SPCS2: variants seen among roughly 807,000 people sequenced by gnomAD.
SPCS2 encodes signal peptidase complex subunit 2.
A neutral mutation model predicts 22.3 loss-of-function variants in SPCS2; 3 were observed. That is an observed-to-expected ratio of 0.13 (90% CI 0.06 to 0.35). SPCS2 has a LOEUF of 0.35. Among genes scored for constraint, SPCS2 ranks in the 10% least tolerant of loss-of-function variants. The pLI, the probability that SPCS2 is intolerant of heterozygous loss-of-function variation, is 1.00. For missense variants in SPCS2, 169 were observed against 280.9 expected (o/e 0.60, Z 2.85); for synonymous variants, 67 against 97.2 (o/e 0.69, Z 1.83).
intron 4 of SPCS2, among the ~76,000 whole-genome samples, chr11:74,976,548 C>A (rs1948615087): frequency 6.6e-6 from 1 of 152,154 alleles, no homozygotes; most frequent in Non-Finnish European, 1.5e-5. Flanking sequence ...ACCTGTCTAG[C>A]ATGGCAAATA....
chr11:74,976,473 C>CAA (rs1948614538), intron 4 of SPCS2, among the ~76,000 whole-genome samples: 1 of 152,040 alleles, frequency 6.6e-6, no homozygotes, highest in African/African-American at 2.4e-5. Flanking sequence ...AAGTTTATGC[C>CAA]CAAGTATAGT....
intron 3 of SPCS2, among the ~76,000 whole-genome samples, chr11:74,969,052 T>A (rs1161646398): frequency 1.3e-5 from 2 of 152,214 alleles, no homozygotes; most frequent in Non-Finnish European, 2.9e-5. Flanking sequence ...TTAACTATGG[T>A]ACTTAATACT....
chr11:74,974,033 C>T (rs1441130003), intron 4 of SPCS2, among the ~76,000 whole-genome samples: 2 of 152,060 alleles, frequency 1.3e-5, no homozygotes, highest in Non-Finnish European at 2.9e-5. Context: ...CTTGTGCTAT[C>T]ACCTGGATCT....
intron 4 of SPCS2, among the ~76,000 whole-genome samples, chr11:74,971,360 A>C (rs540570942): frequency 1.3e-5 from 2 of 152,310 alleles, no homozygotes; most frequent in South Asian, 4.1e-4. Context: ...TCTCTTGGGT[A>C]ATACACCTGG....
At chr11:74,967,416 T>A (rs1250561708) in intron 3 of SPCS2, among the ~76,000 whole-genome samples, 1 of 142,354 alleles carries the variant, frequency 7.0e-6, no homozygotes, top group Admixed American at 6.9e-5. Context: ...CTTATTTTTG[T>A]CATGTCAGTT....
At chr11:74,952,902 G>A (rs1388309723) in intron 1 of SPCS2, among the ~76,000 whole-genome samples, 1 of 152,144 alleles carries the variant, frequency 6.6e-6, no homozygotes, top group African/African-American at 2.4e-5. Context: ...TGGGAATTAA[G>A]CTGTCACTTA....
Position 74,976,932 on chromosome 11 carries a change from A to G in SPCS2, c.570A>G (p.Thr190=), listed in dbSNP as rs1467781706. 1 of 1,613,134 alleles carries G rather than the reference A, an allele frequency of 6.2e-7. No individual in the cohort carries two copies. The highest frequency in any genetic ancestry group is 8.5e-7 in the Non-Finnish European group (1 of 1,179,446). Residue 190 remains threonine (T), a synonymous_variant, in exon 5 of 5, where the codon ACA becomes ACG. Transcript: ENST00000263672. ...AGCAGCAGCGGGAAGCCGAGTTCAC[A>G]AAGTCCATTGCTAAGTTTTTTGACC... ...RTKQQREAEF[T]KSIAKFFDHS...
At chr11:74,955,486 G>A (rs1948472805) in intron 1 of SPCS2, among the ~76,000 whole-genome samples, 1 of 152,124 alleles carries the variant, frequency 6.6e-6, no homozygotes, top group African/African-American at 2.4e-5. Flanking sequence ...TAGTATGACT[G>A]CATTTGTATA....
intron 1 of SPCS2, among the ~76,000 whole-genome samples, chr11:74,951,063 G>T (rs75727859): frequency 0.024 from 3,715 of 152,296 alleles, 135 homozygotes; most frequent in African/African-American, 0.085. Flanking sequence ...TTAAGTATGG[G>T]CATTCTGCTA....
chr11:74,955,568 G>T (rs575351184), intron 1 of SPCS2, among the ~76,000 whole-genome samples: 1 of 151,876 alleles, frequency 6.6e-6, no homozygotes, highest in Admixed American at 6.6e-5. Context: ...ACTGCTAATG[G>T]GTATGGAGTT....
rs1015212751 is a variant in SPCS2 at position 74,978,795 on chromosome 11, C to T, written c.*1752C>T. 6 of 152,202 alleles carry T rather than the reference C, an allele frequency of 3.9e-5. No homozygotes were observed. The highest frequency in any genetic ancestry group is 2.6e-4 in the Admixed American group (4 of 15,286). The allele number at this position is 152,202 out of a possible 1,614,324, so 9.4% of individuals were successfully genotyped here. On this transcript the variant is annotated 3_prime_UTR_variant, in exon 5 of 5. Coordinates refer to ENST00000263672, the MANE Select transcript of SPCS2 (RefSeq NM_014752.3). ...ACTGTACTGTTAGACACAAGGGTCTCGAGGCTTGCAGATAGAGACTGAATA... is the reference window on the plus strand; with the variant it reads ...ACTGTACTGTTAGACACAAGGGTCTTGAGGCTTGCAGATAGAGACTGAATA...
chr11:74,960,647 T>G (rs2140216378), intron 1 of SPCS2, among the ~76,000 whole-genome samples: 1 of 152,262 alleles, frequency 6.6e-6, no homozygotes, highest in South Asian at 2.1e-4. Flanking sequence ...TTGCACTTCA[T>G]GGGAAAGCAG....
intron 1 of SPCS2, among the ~76,000 whole-genome samples, chr11:74,952,857 C>G (rs1440734065): frequency 6.6e-6 from 1 of 152,164 alleles, no homozygotes; most frequent in Non-Finnish European, 1.5e-5. Flanking sequence ...TTGAACTGTT[C>G]CCTCCCTGAA....
At chr11:74,949,662 T>G (rs955506119) in intron 1 of SPCS2, 6 of 515,750 alleles carry the variant, frequency 1.2e-5, no homozygotes, top group African/African-American at 1.1e-4. Context: ...AATTTGATTT[T>G]TCCTATATTT....
intron 2 of SPCS2, among the ~76,000 whole-genome samples, chr11:74,965,486 T>A (rs1948538967): frequency 6.6e-6 from 1 of 152,200 alleles, no homozygotes; most frequent in South Asian, 2.1e-4. Flanking sequence ...GATAGGACAT[T>A]CATTCATGAT....
intron 2 of SPCS2, 143 bp downstream of exon 2, chr11:74,965,260 C>G: frequency 1.7e-6 from 1 of 578,106 alleles, no homozygotes; most frequent in Non-Finnish European, 3.0e-6. Flanking sequence ...AAATTTCTCA[C>G]AGAAAAAGTC....
chr11:74,958,295 T>A (rs2140215468), intron 1 of SPCS2, among the ~76,000 whole-genome samples: 1 of 152,336 alleles, frequency 6.6e-6, no homozygotes, highest in African/African-American at 2.4e-5. Context: ...TAAGCACTGT[T>A]AAGCTAGTAA....
rs536344777 is a variant in SPCS2, at chr11:74,969,422, T to C, written c.360-143T>C. The C allele has an allele frequency of 5.5e-5, 40 of 728,116 alleles. No individual in the cohort carries two copies. In the African/African-American group the frequency reaches 6.8e-4, roughly 12 times the overall value. 45.1% of individuals were successfully genotyped at this position (728,116 alleles called of 1,614,324 possible). A position where few individuals can be genotyped will look rare whatever the true frequency, so the allele number is the denominator to read the frequency against. ...TATAAACATAAGGATGAAAATGAAA[T>C]AGCTAAATTTTCAGTGTTTTGGCAG... On this transcript the variant is annotated intron_variant, in intron 3 of 4. Transcript: ENST00000263672.
intron 1 of SPCS2, among the ~76,000 whole-genome samples, chr11:74,964,487 T>C (rs1397573885): frequency 6.6e-6 from 1 of 152,222 alleles, no homozygotes; most frequent in Non-Finnish European, 1.5e-5. Flanking sequence ...AGTTAAGACA[T>C]GCTGGTAAAA....
Sources: gnomAD v4.1 joint callset for allele counts (sites outside exome capture counted in the v4.1 genomes callset) on GRCh38, gnomAD v4.1.1 for gene constraint, MANE v1.5 for transcripts, NCBI Gene and HGNC (gene_info 2026-07-23, HGNC 2026-07-21) for gene names.